Variants in ZDHHC14 observed in about 807,000 individuals in gnomAD.
ZDHHC14 encodes zDHHC palmitoyltransferase 14.
A neutral mutation model predicts 47.7 loss-of-function variants in ZDHHC14; 16 were observed. The ratio of observed to expected loss-of-function variants is 0.34; its 90% confidence interval spans 0.23 to 0.51. The LOEUF is 0.51. ZDHHC14 is among the 20% of genes least tolerant of loss of function. The probability of loss-of-function intolerance (pLI) is 0.97; values close to 1 mark genes in which losing one functional copy is unlikely to be tolerated. For synonymous variants in ZDHHC14, 293 were observed against 278.9 expected (o/e 1.05, Z -0.50); for missense variants, 515 against 662.5 (o/e 0.78, Z 2.44).
intron 1 of ZDHHC14, among the ~76,000 whole-genome samples, chr6:157,506,310 T>G (rs1257255675): frequency 1.3e-5 from 2 of 152,206 alleles, no homozygotes; most frequent in Non-Finnish European, 2.9e-5. Context: ...CTATCTCAGT[T>G]TCCTCATTAG....
intron 8 of ZDHHC14, among the ~76,000 whole-genome samples, chr6:157,662,214 C>T (rs980050627): frequency 2.6e-5 from 4 of 152,208 alleles, no homozygotes; most frequent in African/African-American, 9.7e-5. Flanking sequence ...CAGAGTCTCA[C>T]TCTGTCGCCC....
chr6:157,549,382 C>G (rs1169621340), intron 2 of ZDHHC14, among the ~76,000 whole-genome samples: 2 of 152,156 alleles, frequency 1.3e-5, no homozygotes, highest in African/African-American at 2.4e-5. Flanking sequence ...GATTCAGGGG[C>G]CTTTTTCTAG....
intron 2 of ZDHHC14, among the ~76,000 whole-genome samples, chr6:157,555,958 C>T (rs140906506): frequency 3.9e-4 from 59 of 152,216 alleles, no homozygotes; most frequent in African/African-American, 1.3e-3. Context: ...GGATTAATCA[C>T]GGGAGGCCTC....
chr6:157,514,057 A>G (rs988980112), intron 1 of ZDHHC14, among the ~76,000 whole-genome samples: 1 of 152,174 alleles, frequency 6.6e-6, no homozygotes, highest in South Asian at 2.1e-4. Flanking sequence ...GTCTTCCTGA[A>G]TGAGTTTGCT....
chr6:157,601,028 G>T (rs923738584), intron 3 of ZDHHC14, among the ~76,000 whole-genome samples: 2 of 152,210 alleles, frequency 1.3e-5, no homozygotes, highest in Non-Finnish European at 2.9e-5. Flanking sequence ...CCTCCAGCAT[G>T]GAGCTCGGGA....
intron 3 of ZDHHC14, among the ~76,000 whole-genome samples, chr6:157,622,547 A>G (rs1219960073): frequency 6.6e-6 from 1 of 152,156 alleles, no homozygotes; most frequent in African/African-American, 2.4e-5. Flanking sequence ...GGTGACTTGC[A>G]TTCCACTGTA....
chr6:157,426,730 G>C (rs1451210470), intron 1 of ZDHHC14, among the ~76,000 whole-genome samples: 4 of 152,200 alleles, frequency 2.6e-5, no homozygotes, highest in African/African-American at 9.6e-5. Flanking sequence ...AGGATGGGGA[G>C]CTGGAAGCCG....
chr6:157,444,586 G>A (rs1361561073), intron 1 of ZDHHC14, among the ~76,000 whole-genome samples: 1 of 151,958 alleles, frequency 6.6e-6, no homozygotes, highest in African/African-American at 2.4e-5. Flanking sequence ...ACTGAGGGAG[G>A]AGAATCACTT....
At chr6:157,528,560 T>C (rs537436333) in intron 1 of ZDHHC14, among the ~76,000 whole-genome samples, 7 of 152,084 alleles carry the variant, frequency 4.6e-5, no homozygotes, top group African/African-American at 1.4e-4. Flanking sequence ...TGAAACCCTG[T>C]CTCTACTAAA....
At chr6:157,522,637 A>T (rs940241202) in intron 1 of ZDHHC14, among the ~76,000 whole-genome samples, 5 of 151,552 alleles carry the variant, frequency 3.3e-5, no homozygotes, top group Admixed American at 2.0e-4. Flanking sequence ...AATTTTTATG[A>T]TATTAATAAT....
chr6:157,523,750 A>T (rs565627987), intron 1 of ZDHHC14, among the ~76,000 whole-genome samples: 1 of 152,010 alleles, frequency 6.6e-6, no homozygotes, highest in African/African-American at 2.4e-5. Flanking sequence ...AAAGGAAAAA[A>T]ATTAGCCAGG....
intron 1 of ZDHHC14, among the ~76,000 whole-genome samples, chr6:157,433,724 C>G (rs888390225): frequency 6.6e-6 from 1 of 152,198 alleles, no homozygotes; most frequent in Non-Finnish European, 1.5e-5. Flanking sequence ...ACACAGACAC[C>G]CCCACTCATG....
At chr6:157,409,607 C>T (rs930425151) in intron 1 of ZDHHC14, among the ~76,000 whole-genome samples, 66 of 152,200 alleles carry the variant, frequency 4.3e-4, no homozygotes, top group Admixed American at 4.0e-3. Context: ...TATGCCAGGC[C>T]TCTGCCCTCG....
rs1483848762 is a variant in ZDHHC14 at position 157,574,560 on chromosome 6, A to T, written c.407-18428A>T. Among the ~76,000 whole-genome samples the T allele has an allele frequency of 2.0e-5, 3 of 150,860 alleles. No homozygotes were observed. The East Asian group carries it at 5.8e-4, about 29-fold the overall frequency. On this transcript the variant is annotated intron_variant, in intron 2 of 8. Coordinates refer to ENST00000359775, the MANE Select transcript of ZDHHC14 (RefSeq NM_024630.3). ...AATACCACACCCATGACCTCCTCCC[A>T]CTCCCCTCACCCAGCACCACAGAAA... is the stretch of plus-strand genomic sequence containing the variant.
chr6:157,479,065 C>T (rs954429148), intron 1 of ZDHHC14, among the ~76,000 whole-genome samples: 3 of 152,180 alleles, frequency 2.0e-5, no homozygotes, highest in African/African-American at 7.2e-5. Context: ...TCCTCACTAT[C>T]ACCCACCTGT....
At chr6:157,579,877 T>C (rs1783451861) in intron 2 of ZDHHC14, among the ~76,000 whole-genome samples, 1 of 152,184 alleles carries the variant, frequency 6.6e-6, no homozygotes, top group African/African-American at 2.4e-5. Context: ...CTGAATGCCT[T>C]TTATTTCTTC....
At chr6:157,484,295 A>ATATATACGTATATATATATGTG (rs1779708862) in intron 1 of ZDHHC14, among the ~76,000 whole-genome samples, 1 of 21,368 alleles carries the variant, frequency 4.7e-5, no homozygotes, top group African/African-American at 1.7e-4. Flanking sequence ...ATATATGTGT[A>ATATATACGTATATATATATGTG]TATATATATA....
At chr6:157,417,898 G>A (rs891583528) in intron 1 of ZDHHC14, among the ~76,000 whole-genome samples, 2 of 150,574 alleles carry the variant, frequency 1.3e-5, no homozygotes, top group African/African-American at 2.5e-5. Context: ...AGCTTGCAGT[G>A]ACCTGTGATT....
chr6:157,588,004 C>T (rs1332938110), intron 2 of ZDHHC14, among the ~76,000 whole-genome samples: 1 of 152,084 alleles, frequency 6.6e-6, no homozygotes, highest in Non-Finnish European at 1.5e-5. Context: ...CCTGTGATCC[C>T]AGCACTTTAG....
Sources: allele counts gnomAD v4.1 joint callset (sites outside exome capture counted in the v4.1 genomes callset), GRCh38; gene constraint gnomAD v4.1.1; transcripts MANE v1.5; gene names NCBI Gene and HGNC (gene_info 2026-07-23, HGNC 2026-07-21).